Variants in PLCB4 observed in about 807,000 individuals in gnomAD.
PLCB4 encodes 1-phosphatidylinositol 4,5-bisphosphate phosphodiesterase beta-4.
PLCB4 carries 77 observed loss-of-function variants against 178.8 expected under a neutral mutation model. The observed-to-expected ratio is 0.43, with a 90% CI of 0.36 to 0.52. PLCB4 has a LOEUF of 0.52. Among genes scored for constraint, PLCB4 ranks in the 20% least tolerant of loss-of-function variants. PLCB4 has a pLI of 0.00. For missense variants in PLCB4, 1,024 were observed against 1,453.4 expected, an observed-to-expected ratio of 0.70 and a Z score of 4.80; for synonymous variants, 496 against 490.8, an observed-to-expected ratio of 1.01 and a Z score of -0.14.
At chr20:9,408,099 T>C (rs748910473) in intron 22 of PLCB4, 41 bp downstream of exon 22, 24 of 1,548,998 alleles carry the variant, frequency 1.5e-5, no homozygotes, top group Non-Finnish European at 1.9e-5. Context: ...TTTTGCTTGA[T>C]TTTCTTTTAT....
At chr20:9,470,494 A>C (rs1192864123) in intron 36 of PLCB4, among the ~76,000 whole-genome samples, 1 of 152,212 alleles carries the variant, frequency 6.6e-6, no homozygotes, top group Non-Finnish European at 1.5e-5. Flanking sequence ...GTTTTAGACT[A>C]TCCAAAGTGA....
chr20:9,125,101 G>C (rs990748364), intron 2 of PLCB4, among the ~76,000 whole-genome samples: 1 of 152,100 alleles, frequency 6.6e-6, no homozygotes, highest in African/African-American at 2.4e-5. Context: ...TTCACCAGGC[G>C]TGTCTCTTGA....
At chr20:9,226,984 T>C (rs1273229715) in intron 3 of PLCB4, among the ~76,000 whole-genome samples, 1 of 152,100 alleles carries the variant, frequency 6.6e-6, no homozygotes, top group East Asian at 1.9e-4. Context: ...TTTTGTTTGT[T>C]TTTTTTAAAT....
intron 2 of PLCB4, among the ~76,000 whole-genome samples, chr20:9,150,074 T>G (rs998300166): frequency 6.6e-6 from 1 of 152,170 alleles, no homozygotes; most frequent in Non-Finnish European, 1.5e-5. Flanking sequence ...GCATCACTCA[T>G]AGTAGCAAGG....
intron 7 of PLCB4, among the ~76,000 whole-genome samples, chr20:9,349,058 A>G (rs1031509225): frequency 2.0e-5 from 3 of 152,074 alleles, no homozygotes; most frequent in East Asian, 1.9e-4. Context: ...GATAGTAAAA[A>G]AAAAAAAAGA....
chr20:9,260,314 T>G (rs116005473), intron 3 of PLCB4, among the ~76,000 whole-genome samples: 5,129 of 152,188 alleles, frequency 0.034, 299 homozygotes, highest in African/African-American at 0.11. Flanking sequence ...TGTTTTGATT[T>G]TCATTTTCTT....
chr20:9,443,926 T>A, intron 30 of PLCB4, 55 bp from the exon 31 acceptor site: 1 of 992,740 alleles, frequency 1.0e-6, no homozygotes, highest in Non-Finnish European at 1.6e-6. Flanking sequence ...ATATTACCAG[T>A]TATTCTCTCT....
chr20:9,285,712 GC>G (rs1415223291), intron 3 of PLCB4, among the ~76,000 whole-genome samples: 1 of 151,854 alleles, frequency 6.6e-6, no homozygotes, highest in Non-Finnish European at 1.5e-5. Flanking sequence ...AACAAAATAA[GC>G]AAAAAAGTTG....
At chr20:9,446,181 G>A (rs2042403358) in intron 32 of PLCB4, among the ~76,000 whole-genome samples, 1 of 152,218 alleles carries the variant, frequency 6.6e-6, no homozygotes, top group Non-Finnish European at 1.5e-5. Flanking sequence ...TTATATGTGA[G>A]GGAATTAGGA....
At chr20:9,182,125 T>A (rs2048433793) in intron 2 of PLCB4, among the ~76,000 whole-genome samples, 1 of 152,238 alleles carries the variant, frequency 6.6e-6, no homozygotes, top group Admixed American at 6.5e-5. Flanking sequence ...TATAAATGAA[T>A]TGATCATTAG....
At chr20:9,226,668 A>G (rs924823364) in intron 3 of PLCB4, among the ~76,000 whole-genome samples, 1 of 152,176 alleles carries the variant, frequency 6.6e-6, no homozygotes, top group Non-Finnish European at 1.5e-5. Flanking sequence ...CTGATATTAT[A>G]AAACAAGATT....
chr20:9,136,872 C>G (rs1005740722), intron 2 of PLCB4, among the ~76,000 whole-genome samples: 1 of 152,130 alleles, frequency 6.6e-6, no homozygotes, highest in Non-Finnish European at 1.5e-5. Flanking sequence ...CCAGCCTACT[C>G]TCCTGAGGCT....
At chr20:9,407,557 G>C (rs1443347362) in intron 21 of PLCB4, among the ~76,000 whole-genome samples, 1 of 152,090 alleles carries the variant, frequency 6.6e-6, no homozygotes, top group African/African-American at 2.4e-5. Context: ...TTTTAGTAGA[G>C]ATGGGGTTTT....
chr20:9,404,396 G>T (rs937559763), intron 20 of PLCB4, among the ~76,000 whole-genome samples: 33 of 152,118 alleles, frequency 2.2e-4, no homozygotes, highest in Admixed American at 2.0e-3. Flanking sequence ...AGGGAATTGT[G>T]ACTACTCTGA....
intron 35 of PLCB4, among the ~76,000 whole-genome samples, chr20:9,460,894 C>G (rs769808024): frequency 2.6e-5 from 4 of 152,184 alleles, no homozygotes; most frequent in Admixed American, 1.3e-4. Flanking sequence ...CTCCCATGCT[C>G]CATTTTCTGT....
At chr20:9,087,328 A>G (rs1256355990) in intron 1 of PLCB4, among the ~76,000 whole-genome samples, 1 of 152,220 alleles carries the variant, frequency 6.6e-6, no homozygotes, top group Non-Finnish European at 1.5e-5. Flanking sequence ...TATACTATAC[A>G]TAGGTTGTAT....
At chr20:9,357,935 C>A (rs924793625) in intron 7 of PLCB4, among the ~76,000 whole-genome samples, 3 of 152,180 alleles carry the variant, frequency 2.0e-5, no homozygotes, top group African/African-American at 7.2e-5. Context: ...CTATGATTCT[C>A]AAATTCTAAT....
At chr20:9,266,784 A>G (rs2094353672) in intron 3 of PLCB4, among the ~76,000 whole-genome samples, 1 of 152,102 alleles carries the variant, frequency 6.6e-6, no homozygotes. Flanking sequence ...TTTTATCTTG[A>G]TTCATTGCTA....
chr20:9,133,465 C>G (rs975262228), intron 2 of PLCB4, among the ~76,000 whole-genome samples: 1 of 151,982 alleles, frequency 6.6e-6, no homozygotes, highest in African/African-American at 2.4e-5. Flanking sequence ...TGGGGTTTCA[C>G]CTTGTTGGCC....
Sources: gnomAD v4.1 joint callset for allele counts (sites outside exome capture counted in the v4.1 genomes callset) on GRCh38, gnomAD v4.1.1 for gene constraint, MANE v1.5 for transcripts, NCBI Gene and HGNC (gene_info 2026-07-23, HGNC 2026-07-21) for gene names.